The following TMEM200A variants were observed in gnomAD, a reference collection of about 807,000 sequenced individuals.
TMEM200A encodes the protein two transmembrane C.
Under a neutral mutation model 24.3 loss-of-function variants are expected in TMEM200A, and 12 were observed. The observed-to-expected ratio is 0.49, with a 90% CI of 0.32 to 0.80. TMEM200A has a LOEUF of 0.80. Ranked by LOEUF, TMEM200A falls within the 30% of genes least tolerant of loss-of-function variation. The pLI, the probability that TMEM200A is intolerant of heterozygous loss-of-function variation, is 0.04. For missense variants in TMEM200A, 545 were observed against 614.4 expected (o/e 0.89, Z 1.19); for synonymous variants, 224 against 224.4 (o/e 1.00, Z 0.02).
At chr6:130,413,476 C>T (rs535271845) in intron 2 of TMEM200A, among the ~76,000 whole-genome samples, 8 of 152,252 alleles carry the variant, frequency 5.3e-5, no homozygotes, top group South Asian at 2.1e-4. Flanking sequence ...CTTCTTCCTA[C>T]GCTCAGTCTT....
Position 130,440,868 on chromosome 6 carries a change from A to T in TMEM200A, c.446A>T (p.Glu149Val). 6.2e-7 allele frequency: 1 copy of T among 1,614,068 alleles called. No homozygotes were observed. Among genetic ancestry groups the T allele is most frequent in the Non-Finnish European group, 8.5e-7 (1 of 1,179,990 alleles). ...IFICANAILH[E>V]NRDKETKIIH... ...ATTTGTGCTAATGCCATTCTTCATG[A>T]AAACCGTGACAAAGAGACCAAAATC... The change falls in exon 3 of 3, where the codon GAA becomes GTA. Residue 149 changes from glutamate to valine, a missense_variant. By Grantham distance (121) the Glu-to-Val change is moderately radical. Coordinates refer to ENST00000296978, the MANE Select transcript of TMEM200A (RefSeq NM_001258277.2).
intron 1 of TMEM200A, among the ~76,000 whole-genome samples, chr6:130,368,024 G>A (rs1778226316): frequency 2.0e-5 from 3 of 152,210 alleles, no homozygotes; most frequent in Admixed American, 2.0e-4. Flanking sequence ...CTAGGTAAAT[G>A]CTGTAGTGTC....
intron 2 of TMEM200A, among the ~76,000 whole-genome samples, chr6:130,397,522 T>C (rs1286991849): frequency 1.3e-5 from 2 of 152,074 alleles, no homozygotes; most frequent in African/African-American, 4.8e-5. Context: ...CTCTTTGGAG[T>C]CTATTTTATA....
chr6:130,419,364 A>T (rs1048005326), intron 2 of TMEM200A, among the ~76,000 whole-genome samples: 5 of 152,176 alleles, frequency 3.3e-5, no homozygotes, highest in Non-Finnish European at 7.4e-5. Context: ...TATTGTGAAT[A>T]GTGCTGCAAT....
At chr6:130,372,401 A>T (rs1298503738) in intron 1 of TMEM200A, among the ~76,000 whole-genome samples, 1 of 152,206 alleles carries the variant, frequency 6.6e-6, no homozygotes, top group African/African-American at 2.4e-5. Context: ...ATCATTATGC[A>T]GGGTAGATAC....
At chr6:130,368,298 G>A (rs1245143882) in intron 1 of TMEM200A, among the ~76,000 whole-genome samples, 1 of 152,086 alleles carries the variant, frequency 6.6e-6, no homozygotes, top group Non-Finnish European at 1.5e-5. Context: ...TTAGCATAAA[G>A]GAAAGAAATT....
chr6:130,416,160 A>C (rs754321556), intron 2 of TMEM200A, among the ~76,000 whole-genome samples: 2 of 152,178 alleles, frequency 1.3e-5, no homozygotes, highest in African/African-American at 4.8e-5. Context: ...AGAGAACAGA[A>C]ATTAGTACTA....
intron 2 of TMEM200A, among the ~76,000 whole-genome samples, chr6:130,397,574 C>T (rs1329982623): frequency 6.6e-6 from 1 of 151,716 alleles, no homozygotes; most frequent in Non-Finnish European, 1.5e-5. Flanking sequence ...CTAGTATTTG[C>T]CTTTTTCCAT....
At chr6:130,375,548 A>G (rs1472088322) in intron 1 of TMEM200A, among the ~76,000 whole-genome samples, 1 of 152,234 alleles carries the variant, frequency 6.6e-6, no homozygotes, top group Non-Finnish European at 1.5e-5. Context: ...AATTTCAGGC[A>G]TTCAAAAAGT....
chr6:130,425,408 A>T (rs1025762186), intron 2 of TMEM200A, among the ~76,000 whole-genome samples: 6 of 152,188 alleles, frequency 3.9e-5, no homozygotes, highest in African/African-American at 1.4e-4. Flanking sequence ...AAGAATTAAG[A>T]ATGCTATTTG....
intron 2 of TMEM200A, among the ~76,000 whole-genome samples, chr6:130,414,219 G>A (rs538830212): frequency 6.6e-6 from 1 of 152,050 alleles, no homozygotes; most frequent in South Asian, 2.1e-4. Context: ...ATCACTTGAG[G>A]TCAGGAGTTT....
chr6:130,395,917 A>G (rs890126144), intron 2 of TMEM200A, among the ~76,000 whole-genome samples: 3 of 152,264 alleles, frequency 2.0e-5, no homozygotes, highest in Non-Finnish European at 4.4e-5. Context: ...CCAGTTGGTC[A>G]TAGTGCCTTT....
chr6:130,399,539 AATTT>A lies in TMEM200A; in HGVS notation c.-17+14307_-17+14310del, dbSNP rs538850524. Among the ~76,000 whole-genome samples, 505 of 151,872 alleles carry A rather than the reference AATTT, an allele frequency of 3.3e-3. 15 individuals carry two copies. Among genetic ancestry groups the A allele is most frequent in the Admixed American group, 0.03 (463 of 15,244 alleles). ...AGCTCAATCCAGCCATTGAGCTTTT[AATTT>A]ATTATTATATTTTTATTCGACAAAT... On this transcript the variant is annotated intron_variant, in intron 2 of 2. Transcript: ENST00000296978.
At chr6:130,380,614 T>C (rs28600288) in intron 1 of TMEM200A, among the ~76,000 whole-genome samples, 131 of 152,334 alleles carry the variant, frequency 8.6e-4, no homozygotes, top group African/African-American at 2.9e-3. Flanking sequence ...CCATTCTGTA[T>C]GTGATGGTGG....
chr6:130,381,568 A>G (rs950077770), intron 1 of TMEM200A, among the ~76,000 whole-genome samples: 1 of 152,212 alleles, frequency 6.6e-6, no homozygotes, highest in East Asian at 1.9e-4. Context: ...GCCAGAGACT[A>G]ATTTTCCTCC....
intron 2 of TMEM200A, among the ~76,000 whole-genome samples, chr6:130,433,891 A>AATCT (rs1779938668): frequency 6.6e-6 from 1 of 152,166 alleles, no homozygotes; most frequent in African/African-American, 2.4e-5. Flanking sequence ...GATGAATTAG[A>AATCT]ATCTATCTGC....
At position 130,441,030 on chromosome 6, in the gene TMEM200A, C is replaced by A; in HGVS notation, c.608C>A (p.Ser203Ter). Residue 203 changes from serine to a stop codon, truncating the protein, a stop_gained, in exon 3 of 3, where the codon TCG becomes TAG. Coordinates refer to ENST00000296978, the MANE Select transcript of TMEM200A (RefSeq NM_001258277.2). LOFTEE classifies it high-confidence loss of function. Reference sequence around the variant, plus strand: ...AAACAGAATGGGAGCTCCTGTGCCTCGAGATTGGCAGCAAATACGATCGCC... The same window carrying A: ...AAACAGAATGGGAGCTCCTGTGCCTAGAGATTGGCAGCAAATACGATCGCC... ...EVKQNGSSCASRLAANTIASF... is the reference protein window; with the variant it reads ...EVKQNGSSCA The A allele has an allele frequency of 6.2e-7, 1 of 1,613,808 alleles. No individual in the cohort carries two copies. Among genetic ancestry groups the A allele is most frequent in the Non-Finnish European group, 8.5e-7 (1 of 1,179,910 alleles).
intron 2 of TMEM200A, among the ~76,000 whole-genome samples, chr6:130,390,216 TTTAA>T (rs1395029778): frequency 2.0e-5 from 3 of 152,252 alleles, no homozygotes; most frequent in African/African-American, 4.8e-5. Context: ...TACAGTTTTG[TTTAA>T]TTAATCTTTG....
intron 2 of TMEM200A, among the ~76,000 whole-genome samples, chr6:130,432,607 C>G (rs1462982897): frequency 2.0e-5 from 3 of 152,260 alleles, no homozygotes; most frequent in African/African-American, 7.2e-5. Flanking sequence ...TTTAATTTGC[C>G]TAGCAGAGCA....
Sources: allele counts gnomAD v4.1 joint callset (sites outside exome capture counted in the v4.1 genomes callset), GRCh38; gene constraint gnomAD v4.1.1; transcripts MANE v1.5; gene names NCBI Gene and HGNC (gene_info 2026-07-23, HGNC 2026-07-21).